MED27: variants seen among roughly 807,000 people sequenced by gnomAD.
MED27 encodes the protein mediator of RNA polymerase II transcription subunit 27.
MED27 carries 30 observed loss-of-function variants against 38.2 expected under a neutral mutation model. The ratio of observed to expected loss-of-function variants is 0.79; its 90% CI spans 0.59 to 1.07. The LOEUF is 1.07. MED27 is among the 50% of genes least tolerant of loss of function. The pLI is 0.00. For missense variants in MED27, 289 were observed against 397.5 expected (o/e 0.73, Z 2.32); for synonymous variants, 122 against 153.5 (o/e 0.79, Z 1.52).
intron 3 of MED27, among the ~76,000 whole-genome samples, chr9:132,006,199 C>T (rs563282273): frequency 1.2e-4 from 18 of 152,230 alleles, no homozygotes; most frequent in South Asian, 8.3e-4. Flanking sequence ...TTAAGCCGGG[C>T]GACATCTCTG....
chr9:131,995,072 G>A (rs1395949458), intron 3 of MED27, among the ~76,000 whole-genome samples: 5 of 152,140 alleles, frequency 3.3e-5, no homozygotes, highest in South Asian at 2.1e-4. Flanking sequence ...TAGACTACAG[G>A]AAGACTCATG....
intron 4 of MED27, among the ~76,000 whole-genome samples, chr9:131,924,818 C>T (rs943928842): frequency 2.0e-5 from 3 of 152,172 alleles, no homozygotes; most frequent in African/African-American, 7.2e-5. Context: ...TATTTTTCCA[C>T]ATCATCACCA....
At chr9:132,021,806 T>TAGGAAG (rs140425154) in intron 2 of MED27, among the ~76,000 whole-genome samples, 3 of 152,034 alleles carry the variant, frequency 2.0e-5, no homozygotes, top group South Asian at 4.1e-4. Context: ...AATGCCCTTA[T>TAGGAAG]AGGAAGAGGA....
At position 131,860,774 on chromosome 9, in the gene MED27, T is replaced by G; in HGVS notation, c.802-102A>C. 1 of 1,384,636 alleles carries G rather than the reference T, an allele frequency of 7.2e-7. No individual in the cohort carries two copies. Among genetic ancestry groups the G allele is most frequent in the Non-Finnish European group, 9.9e-7 (1 of 1,011,376 alleles). 85.8% of individuals were successfully genotyped at this position (1,384,636 alleles called of 1,614,324 possible). A position where few individuals can be genotyped will look rare whatever the true frequency, so the allele number is the denominator to read the frequency against. Reference sequence around the variant, plus strand: ...ATGGCCCAGACAACTTAAGTTGGCTTTGGCCCCAGAAGATGCCCTGTGATT... The same window carrying G: ...ATGGCCCAGACAACTTAAGTTGGCTGTGGCCCCAGAAGATGCCCTGTGATT... On this transcript the variant is annotated intron_variant, in intron 7 of 7. Coordinates refer to ENST00000292035, the MANE Select transcript of MED27 (RefSeq NM_004269.4). This position sits in a 1 kb window ranked among gnomAD's most constrained non-coding sequence, Gnocchi z 5.8.
In MED27 at chr9:131,861,837, A is replaced by G. The variant is rs1310753069; in HGVS notation, c.802-1165T>C. ...ACCCAGGCTGGAGCGCAGTGGTGCA[A>G]TCGATCATAGCTCACTGTAACCTTG... On this transcript the variant is annotated intron_variant, in intron 7 of 7. Coordinates refer to ENST00000292035, the MANE Select transcript of MED27 (RefSeq NM_004269.4). This position sits in a 1 kb window ranked among gnomAD's most constrained non-coding sequence, Gnocchi z 4.4. Among the ~76,000 whole-genome samples the G allele has an allele frequency of 6.6e-6, 1 of 151,202 alleles. No homozygotes were observed. The highest frequency in any genetic ancestry group is 1.5e-5 in the Non-Finnish European group (1 of 67,994).
chr9:131,875,848 T>C (rs557085617), intron 6 of MED27, among the ~76,000 whole-genome samples: 5 of 152,340 alleles, frequency 3.3e-5, no homozygotes, highest in African/African-American at 9.6e-5. Context: ...CCTAGGATCA[T>C]GATCCTCTGC....
intron 4 of MED27, among the ~76,000 whole-genome samples, chr9:131,905,197 G>T (rs930858236): frequency 3.3e-5 from 5 of 152,092 alleles, no homozygotes; most frequent in Admixed American, 3.3e-4. Flanking sequence ...ATAAAAATAG[G>T]GCCTCCAATC....
At chr9:132,061,246 C>T (rs1396822962) in intron 2 of MED27, among the ~76,000 whole-genome samples, 1 of 152,206 alleles carries the variant, frequency 6.6e-6, no homozygotes, top group Non-Finnish European at 1.5e-5. Flanking sequence ...GCCAACGGTG[C>T]CTTATTCACA....
chr9:131,941,205 A>G (rs770588489), intron 3 of MED27, among the ~76,000 whole-genome samples: 1 of 152,230 alleles, frequency 6.6e-6, no homozygotes. Context: ...AAAACTATCT[A>G]TTAAGGATTT....
At chr9:132,031,258 G>A (rs1386996833) in intron 2 of MED27, among the ~76,000 whole-genome samples, 1 of 152,194 alleles carries the variant, frequency 6.6e-6, no homozygotes, top group Non-Finnish European at 1.5e-5. Flanking sequence ...ACTAAATGGT[G>A]AGCTACCCTC....
At chr9:132,037,639 A>G (rs1189418984) in intron 2 of MED27, among the ~76,000 whole-genome samples, 1 of 152,180 alleles carries the variant, frequency 6.6e-6, no homozygotes, top group Non-Finnish European at 1.5e-5. Flanking sequence ...CACAGCAACA[A>G]TGGGCTTGGG....
chr9:131,918,164 G>A (rs1830326771), intron 4 of MED27, among the ~76,000 whole-genome samples: 1 of 152,188 alleles, frequency 6.6e-6, no homozygotes, highest in African/African-American at 2.4e-5. Context: ...GACAAATGCA[G>A]TTGAAATTTG....
At chr9:131,962,768 G>A (rs1182970280) in intron 3 of MED27, among the ~76,000 whole-genome samples, 1 of 152,184 alleles carries the variant, frequency 6.6e-6, no homozygotes, top group Admixed American at 6.5e-5. Flanking sequence ...TGCTCAATTA[G>A]TATCTGTTTT....
intron 3 of MED27, among the ~76,000 whole-genome samples, chr9:131,969,734 G>A (rs1005590444): frequency 1.3e-5 from 2 of 152,190 alleles, no homozygotes; most frequent in African/African-American, 4.8e-5. Flanking sequence ...GGCAGCGCAT[G>A]AGAGTGGCTA....
intron 2 of MED27, among the ~76,000 whole-genome samples, chr9:132,036,255 G>A (rs1312196832): frequency 6.6e-6 from 1 of 152,118 alleles, no homozygotes; most frequent in African/African-American, 2.4e-5. Context: ...CCATGCTGGA[G>A]TGCAGTGGTG....
At chr9:131,965,590 C>G (rs752628685) in intron 3 of MED27, among the ~76,000 whole-genome samples, 1 of 152,186 alleles carries the variant, frequency 6.6e-6, no homozygotes, top group Admixed American at 6.5e-5. Flanking sequence ...ATCTGTTGCT[C>G]TTGGTCCTTC....
chr9:132,010,892 G>A (rs1260447690), intron 3 of MED27, among the ~76,000 whole-genome samples: 7 of 152,096 alleles, frequency 4.6e-5, no homozygotes, highest in Admixed American at 1.3e-4. Context: ...TGGGGTGGGC[G>A]AAGGGGGGAG....
chr9:131,973,695 AATTACTGT>A (rs1482729868), intron 3 of MED27, among the ~76,000 whole-genome samples: 2 of 150,866 alleles, frequency 1.3e-5, no homozygotes, highest in African/African-American at 2.4e-5. Context: ...TGAGCTACTG[AATTACTGT>A]ATTACTGGAT....
chr9:131,907,779 C>G (rs1830098413), intron 4 of MED27, among the ~76,000 whole-genome samples: 1 of 151,350 alleles, frequency 6.6e-6, no homozygotes, highest in African/African-American at 2.4e-5. Flanking sequence ...TGAGGAGCGC[C>G]TCTTCCCGGC....
Sources: gnomAD v4.1 joint callset for allele counts (sites outside exome capture counted in the v4.1 genomes callset) on GRCh38, gnomAD v4.1.1 for gene constraint, Gnocchi (gnomAD v3.1) non-coding constraint, MANE v1.5 for transcripts, NCBI Gene and HGNC (gene_info 2026-07-23, HGNC 2026-07-21) for gene names.